Variants in DGKH observed in about 807,000 individuals in gnomAD.
The protein encoded by DGKH is DAG kinase eta.
A neutral mutation model predicts 159.3 loss-of-function variants in DGKH; 90 were observed. The ratio of observed to expected loss-of-function variants is 0.57; its 90% CI spans 0.48 to 0.67. The LOEUF (loss-of-function observed/expected upper bound fraction) is 0.67, where lower values mean the gene tolerates loss of function less well. DGKH is among the 30% of genes least tolerant of loss of function. The probability of loss-of-function intolerance (pLI) is 0.00; values close to 1 mark genes in which losing one functional copy is unlikely to be tolerated. For synonymous variants in DGKH, 536 were observed against 553.8 expected (o/e 0.97, Z 0.45); for missense variants, 1,181 against 1,506.1 (o/e 0.78, Z 3.57).
chr13:42,099,426 G>T (rs1028601221), intron 1 of DGKH, among the ~76,000 whole-genome samples: 1 of 152,156 alleles, frequency 6.6e-6, no homozygotes, highest in Admixed American at 6.5e-5. Flanking sequence ...AAAATGTGGG[G>T]TGTGCTAGGA....
At chr13:42,150,712 AT>A (rs1955858104) in intron 3 of DGKH, among the ~76,000 whole-genome samples, 1 of 152,220 alleles carries the variant, frequency 6.6e-6, no homozygotes, top group Non-Finnish European at 1.5e-5. Context: ...GATTTCAGGT[AT>A]TATTGATTTA....
intron 21 of DGKH, among the ~76,000 whole-genome samples, chr13:42,206,704 C>T (rs1328574029): frequency 1.3e-5 from 2 of 152,116 alleles, no homozygotes; most frequent in Non-Finnish European, 2.9e-5. Context: ...TCAAAGCCAG[C>T]AAAGGCAGGT....
rs964419879 is a variant in DGKH, at chr13:42,231,604, A to G, written c.*2416A>G. 2 of 152,210 alleles carry G rather than the reference A, an allele frequency of 1.3e-5. No individual in the cohort carries two copies. Among genetic ancestry groups the G allele is most frequent in the Non-Finnish European group, 2.9e-5 (2 of 68,046 alleles). The allele number at this position is 152,210 out of a possible 1,614,324, so 9.4% of individuals were successfully genotyped here. On this transcript the variant is annotated 3_prime_UTR_variant, in exon 30 of 30. Transcript: ENST00000337343. ...GAAAGAAGGGGAAGAACTCTAGCAT[A>G]AATAATGTATTAATATAAATATCTA...
intron 17 of DGKH, among the ~76,000 whole-genome samples, chr13:42,195,358 T>C (rs7983070): frequency 0.12 from 18,128 of 152,014 alleles, 1,536 homozygotes; most frequent in East Asian, 0.4. Flanking sequence ...AAAAATTAGC[T>C]AAGTGTAGTG....
chr13:42,198,915 A>G (rs1008764149), intron 18 of DGKH, among the ~76,000 whole-genome samples: 2 of 152,136 alleles, frequency 1.3e-5, no homozygotes, highest in South Asian at 2.1e-4. Flanking sequence ...CAGATCTGTC[A>G]TCTTTCCACG....
chr13:42,152,852 A>G (rs1955945428), intron 3 of DGKH, among the ~76,000 whole-genome samples: 1 of 142,966 alleles, frequency 7.0e-6, no homozygotes. Context: ...GCCGAGTTCA[A>G]ACCCATTGTG....
intron 1 of DGKH, among the ~76,000 whole-genome samples, chr13:42,086,502 C>A (rs968363145): frequency 1.3e-5 from 2 of 152,102 alleles, no homozygotes; most frequent in African/African-American, 4.8e-5. Flanking sequence ...TAACATATAT[C>A]TTCCAACTAT....
downstream of DGKH, among the ~76,000 whole-genome samples, chr13:42,246,898 ATG>A (rs1173241167): frequency 3.3e-5 from 5 of 152,144 alleles, no homozygotes; most frequent in South Asian, 4.1e-4. Flanking sequence ...ATATATATGA[ATG>A]TGTGTGTGTA....
At chr13:42,050,304 G>A (rs1475024824) in intron 1 of DGKH, among the ~76,000 whole-genome samples, 1 of 152,200 alleles carries the variant, frequency 6.6e-6, no homozygotes, top group African/African-American at 2.4e-5. Flanking sequence ...CCGGGAGGCG[G>A]AGGTTGTGGC....
In DGKH at chr13:42,178,199, C is replaced by G. The variant is rs751566598; in HGVS notation, c.1517C>G (p.Ala506Gly). 2.5e-6 allele frequency: 4 copies of G among 1,600,280 alleles called. No individual in the cohort carries two copies. The highest frequency in any genetic ancestry group is 3.4e-6 in the Non-Finnish European group (4 of 1,170,898). Residue 506 changes from alanine (A) to glycine (G), a missense_variant, in exon 13 of 30, where the codon GCA (alanine) becomes GGA (glycine). Ala to Gly is a moderately conservative substitution (Grantham distance 60, BLOSUM62 0). Transcript: ENST00000337343. ...LTKILNSDEHAVVISSAKTLC... is the reference protein window; with the variant it reads ...LTKILNSDEHGVVISSAKTLC... ...AAAATCCTCAATTCTGATGAACATG[C>G]AGTGGTCATATCTTCTGCCAAGTGA...
At chr13:42,224,768 C>T (rs917053419) in intron 29 of DGKH, among the ~76,000 whole-genome samples, 1 of 152,120 alleles carries the variant, frequency 6.6e-6, no homozygotes, top group Non-Finnish European at 1.5e-5. Context: ...GATGTACTCT[C>T]TTTTGCTGTG....
At chr13:42,141,409 T>C (rs1955556844) in intron 3 of DGKH, among the ~76,000 whole-genome samples, 2 of 152,186 alleles carry the variant, frequency 1.3e-5, no homozygotes, top group African/African-American at 2.4e-5. Context: ...CCTTTGGGTA[T>C]ATACCCAGTA....
chr13:42,117,982 C>T (rs1954994641), intron 1 of DGKH, among the ~76,000 whole-genome samples: 1 of 152,088 alleles, frequency 6.6e-6, no homozygotes, highest in Non-Finnish European at 1.5e-5. Context: ...CTTTGGGAGG[C>T]CGAGACAGGC....
chr13:42,131,188 G>C (rs1955281604), intron 3 of DGKH, among the ~76,000 whole-genome samples: 1 of 152,168 alleles, frequency 6.6e-6, no homozygotes, highest in African/African-American at 2.4e-5. Flanking sequence ...TTTTCTAAAA[G>C]CTTGGCTGTT....
chr13:42,063,950 T>A (rs78554978), intron 1 of DGKH, among the ~76,000 whole-genome samples: 3,626 of 58,998 alleles, frequency 0.061, 39 homozygotes, highest in East Asian at 0.12. Flanking sequence ...AAAAAAAAAA[T>A]ATATATATAT....
intron 24 of DGKH, among the ~76,000 whole-genome samples, chr13:42,212,602 CG>C (rs1301188765): frequency 2.0e-5 from 3 of 152,176 alleles, no homozygotes; most frequent in Non-Finnish European, 2.9e-5. Context: ...TTCTGGTCAA[CG>C]TAGTTTGGCT....
chr13:42,040,190 C>G (rs1880386091), intron 1 of DGKH: 2 of 152,326 alleles, frequency 1.3e-5, no homozygotes, highest in South Asian at 4.1e-4. Flanking sequence ...GCCTGCAGCG[C>G]GGGCCGCCAG....
intron 1 of DGKH, among the ~76,000 whole-genome samples, chr13:42,101,057 T>TC (rs1029500778): frequency 2.0e-5 from 3 of 152,224 alleles, no homozygotes; most frequent in African/African-American, 7.2e-5. Flanking sequence ...CTCTAGCTTA[T>TC]CCATCCAGCA....
chr13:42,128,143 A>G (rs1170156), intron 2 of DGKH, among the ~76,000 whole-genome samples: 56,719 of 152,098 alleles, frequency 0.37, 11,005 homozygotes, highest in African/African-American at 0.45. Context: ...AATACAAATC[A>G]TATTGAAATA....
Sources: gnomAD v4.1 joint callset for allele counts (sites outside exome capture counted in the v4.1 genomes callset) on GRCh38, gnomAD v4.1.1 for gene constraint, MANE v1.5 for transcripts, NCBI Gene and HGNC (gene_info 2026-07-23, HGNC 2026-07-21) for gene names.